TPO: variants seen among roughly 807,000 people sequenced by gnomAD.
TPO encodes thyroid peroxidase.
Under a neutral mutation model 96.9 loss-of-function variants are expected in TPO, and 78 were observed. That is an observed-to-expected ratio of 0.81 (90% CI 0.67 to 0.97). The LOEUF (loss-of-function observed/expected upper bound fraction) is 0.97. Ranked by LOEUF, TPO falls within the 50% of genes least tolerant of loss-of-function variation. The pLI, the probability that TPO is intolerant of heterozygous loss-of-function variation, is 0.00. For missense variants in TPO, 1,252 were observed against 1,274.8 expected, an observed-to-expected ratio of 0.98 and a Z score of 0.27; for synonymous variants, 547 against 538.0, an observed-to-expected ratio of 1.02 and a Z score of -0.23.
chr2:1,507,609 A>T (rs1265485484), intron 14 of TPO, among the ~76,000 whole-genome samples: 2 of 152,048 alleles, frequency 1.3e-5, no homozygotes, highest in African/African-American at 4.8e-5. Context: ...CATCCCTTGT[A>T]AGTTGGATTC....
intron 7 of TPO, among the ~76,000 whole-genome samples, chr2:1,476,789 C>T (rs947685197): frequency 1.3e-5 from 2 of 149,962 alleles, no homozygotes; most frequent in South Asian, 2.1e-4. Flanking sequence ...AGGGGAGGTG[C>T]GGGGCTGGCT....
At chr2:1,460,031 A>G (rs546688342) in intron 7 of TPO, among the ~76,000 whole-genome samples, 4 of 150,818 alleles carry the variant, frequency 2.7e-5, no homozygotes, top group Admixed American at 6.6e-5. Flanking sequence ...CGCCTCCCGG[A>G]TATAAGCGAT....
intron 7 of TPO, among the ~76,000 whole-genome samples, chr2:1,462,346 A>G (rs1668524895): frequency 6.6e-6 from 1 of 152,186 alleles, no homozygotes; most frequent in Non-Finnish European, 1.5e-5. Flanking sequence ...GGCACAGACA[A>G]GAGGCAAACC....
At chr2:1,501,015 C>G (rs1341826810) in intron 13 of TPO, among the ~76,000 whole-genome samples, 1 of 151,838 alleles carries the variant, frequency 6.6e-6, no homozygotes, top group Non-Finnish European at 1.5e-5. Context: ...AGTGAGTCTC[C>G]TCTGAGTGCC....
At chr2:1,518,530 G>A (rs1674938426) in intron 15 of TPO, among the ~76,000 whole-genome samples, 2 of 152,220 alleles carry the variant, frequency 1.3e-5, no homozygotes, top group South Asian at 2.1e-4. Context: ...CCCCATTTCA[G>A]TTATTCTGCA....
intron 15 of TPO, among the ~76,000 whole-genome samples, chr2:1,528,692 ACCT>A (rs1677217740): frequency 1.7e-5 from 1 of 58,382 alleles, no homozygotes; most frequent in Non-Finnish European, 3.1e-5. Context: ...AATCCCCCCT[ACCT>A]TGTGCAACCT....
At position 1,523,829 on chromosome 2, in the gene TPO, ACTCCTCAAATCCCCCCAACTGTGTGTGAG is replaced by A. The variant is rs1675772868; in HGVS notation, c.2618+6852_2618+6880del. Among the ~76,000 whole-genome samples the A allele has an allele frequency of 6.6e-5, 4 of 60,214 alleles. No homozygotes were observed. The South Asian group carries it at 2.8e-3, about 42-fold the overall frequency. The allele number at this position is 60,214 out of a possible 152,430, so 39.5% of individuals were successfully genotyped here. ...CCCCAAATCCCCCCACTGTGAGCAA[ACTCCTCAAATCCCCCCAACTGTGTGTGAG>A]CTCCCCAAATCCCCCCAGTGTGTAC... On this transcript the variant is annotated intron_variant, in intron 15 of 16. Coordinates refer to ENST00000329066, the MANE Select transcript of TPO (RefSeq NM_001206744.2).
chr2:1,439,358 C>T (rs1243886084), intron 5 of TPO: 1 of 153,392 alleles, frequency 6.5e-6, no homozygotes, highest in Non-Finnish European at 1.5e-5. Context: ...ACGTTCAAGG[C>T]TTCACACATT....
At chr2:1,514,938 G>T (rs549877963) in intron 14 of TPO, among the ~76,000 whole-genome samples, 1 of 152,106 alleles carries the variant, frequency 6.6e-6, no homozygotes, top group South Asian at 2.1e-4. Context: ...TGCTCGCCAC[G>T]GCCCAGGACG....
chr2:1,477,457 C>T lies in TPO; in HGVS notation c.1191C>T (p.Ala397=). 1 of 1,525,192 alleles carries T rather than the reference C, an allele frequency of 6.6e-7. No homozygotes were observed. The highest frequency in any genetic ancestry group is 8.8e-7 in the Non-Finnish European group (1 of 1,141,064). 94.5% of individuals were successfully genotyped at this position (1,525,192 alleles called of 1,614,324 possible). A position where few individuals can be genotyped will look rare whatever the true frequency, so the allele number is the denominator to read the frequency against. ...GPCFLAGDGR[A]SEVPSLTALH... ...GCTTCCTGGCCGGAGACGGCCGCGC[C>T]AGCGAGGTCCCCTCCCTGACGGCAC... The change falls in exon 8 of 17, where the codon GCC becomes GCT. Residue 397 remains alanine (A), a synonymous_variant. Transcript: ENST00000329066.
At chr2:1,493,728 C>G in intron 10 of TPO, 74 bp from the exon 11 acceptor site, 1 of 1,559,362 alleles carries the variant, frequency 6.4e-7, no homozygotes, top group Non-Finnish European at 8.8e-7. Flanking sequence ...TCTCGGGGAC[C>G]ATGGCATGAG....
chr2:1,543,226 C>G lies in TPO; in HGVS notation c.*752C>G, dbSNP rs1344958628. On this transcript the variant is annotated 3_prime_UTR_variant, in exon 17 of 17. Coordinates refer to ENST00000329066, the MANE Select transcript of TPO (RefSeq NM_001206744.2). ...CACGCGACCCTGTAAAGCTGCCGTCCTCATTTCACATGTGAAGCAGCTGAA... is the reference window on the plus strand; with the variant it reads ...CACGCGACCCTGTAAAGCTGCCGTCGTCATTTCACATGTGAAGCAGCTGAA... 3 of 152,494 alleles carry G rather than the reference C, an allele frequency of 2.0e-5. No homozygotes were observed. The highest frequency in any genetic ancestry group is 2.0e-4 in the Admixed American group (3 of 15,310). The allele number at this position is 152,494 out of a possible 1,614,324, so 9.4% of individuals were successfully genotyped here. A position where few individuals can be genotyped will look rare whatever the true frequency, so the allele number is the denominator to read the frequency against.
chr2:1,480,201 T>C (rs1276369933), intron 8 of TPO, among the ~76,000 whole-genome samples: 1 of 152,242 alleles, frequency 6.6e-6, no homozygotes, highest in Non-Finnish European at 1.5e-5. Context: ...TAAAAAACTG[T>C]GAACATTCTT....
rs183414179 is a variant in TPO, at chr2:1,529,837, C to T, written c.2619-10757C>T. On this transcript the variant is annotated intron_variant, in intron 15 of 16. Coordinates refer to ENST00000329066, the MANE Select transcript of TPO (RefSeq NM_001206744.2). ...TTGTGTGCAGCCTCCCCAAATCCCC[C>T]CGACGCTGTGCAACCTCCCAAAATT... is the stretch of plus-strand genomic sequence containing the variant. 8.7e-3 allele frequency among the ~76,000 whole-genome samples: 1,205 copies of T among 139,250 alleles called. 32 individuals carry two copies. Among genetic ancestry groups the T allele is most frequent in the African/African-American group, 0.033 (1,148 of 34,650 alleles). The allele number at this position is 139,250 out of a possible 152,430, so 91.4% of individuals were successfully genotyped here.
At chr2:1,407,128 T>A (rs920179757) in intron 1 of TPO, among the ~76,000 whole-genome samples, 7 of 152,220 alleles carry the variant, frequency 4.6e-5, no homozygotes, top group Admixed American at 4.6e-4. Flanking sequence ...AAGACAAACG[T>A]TTCCACCGGG....
intron 3 of TPO, among the ~76,000 whole-genome samples, chr2:1,431,799 T>TTTAA (rs1236882837): frequency 6.6e-6 from 1 of 152,264 alleles, no homozygotes; most frequent in Non-Finnish European, 1.5e-5. Context: ...AAACAATGCA[T>TTTAA]TTAATTATGG....
intron 9 of TPO, among the ~76,000 whole-genome samples, chr2:1,485,173 C>G (rs28913268): frequency 2.6e-4 from 40 of 151,650 alleles, no homozygotes; most frequent in African/African-American, 9.0e-4. Context: ...TCTGTCCTTG[C>G]GATAGTTTGC....
chr2:1,528,648 C>A (rs1677202679), intron 15 of TPO, among the ~76,000 whole-genome samples: 1 of 141,798 alleles, frequency 7.1e-6, no homozygotes, highest in Non-Finnish European at 1.5e-5. Context: ...TGTGTGCAAC[C>A]TCACCACATC....
chr2:1,478,977 C>T (rs567295134), intron 8 of TPO, among the ~76,000 whole-genome samples: 79 of 152,316 alleles, frequency 5.2e-4, no homozygotes, highest in African/African-American at 1.9e-3. Context: ...ATCAGCCGGA[C>T]GGAGGAGGCT....
Sources: allele counts gnomAD v4.1 joint callset (sites outside exome capture counted in the v4.1 genomes callset), GRCh38; gene constraint gnomAD v4.1.1; transcripts MANE v1.5; gene names NCBI Gene and HGNC (gene_info 2026-07-23, HGNC 2026-07-21).